The following TMBIM6 variants were observed in gnomAD, a reference collection of about 807,000 sequenced individuals.
TMBIM6 encodes the protein bax inhibitor 1.
A neutral mutation model predicts 31.4 loss-of-function variants in TMBIM6; 13 were observed. The ratio of observed to expected loss-of-function variants is 0.41; its 90% CI spans 0.27 to 0.66. The LOEUF is 0.66. TMBIM6 is among the 30% of genes least tolerant of loss of function. The probability of loss-of-function intolerance (pLI) is 0.28; values close to 1 mark genes in which losing one functional copy is unlikely to be tolerated. For missense variants in TMBIM6, 275 were observed against 289.5 expected, an observed-to-expected ratio of 0.95 and a Z score of 0.36; for synonymous variants, 85 against 101.7, an observed-to-expected ratio of 0.84 and a Z score of 0.99.
intron 3 of TMBIM6, among the ~76,000 whole-genome samples, chr12:49,755,411 C>T (rs919004914): frequency 6.6e-6 from 1 of 152,170 alleles, no homozygotes; most frequent in Non-Finnish European, 1.5e-5. Context: ...CTACGCAAGC[C>T]AGAAGAGCCT....
intron 6 of TMBIM6, 78 bp downstream of exon 6, chr12:49,758,558 A>G (rs1945651815): frequency 6.4e-7 from 1 of 1,553,560 alleles, no homozygotes; most frequent in Admixed American, 1.7e-5. Context: ...CCTTACCCCT[A>G]ACTCCTTTGC....
In TMBIM6 at chr12:49,763,003, A is replaced by T; in HGVS notation, c.*107A>T. 1.6e-6 allele frequency: 2 copies of T among 1,272,846 alleles called. No homozygotes were observed. The highest frequency in any genetic ancestry group is 2.2e-6 in the Non-Finnish European group (2 of 908,778). The allele number at this position is 1,272,846 out of a possible 1,614,324, so 78.8% of individuals were successfully genotyped here. On this transcript the variant is annotated 3_prime_UTR_variant, in exon 10 of 10. Coordinates refer to ENST00000267115, the MANE Select transcript of TMBIM6 (RefSeq NM_003217.3). ...TTCTGTGATAATGAAAAGCATCAGA[A>T]AAGCTTTTGTACTTTGTGGTTTCCT...
At position 49,763,716 on chromosome 12, in the gene TMBIM6, A is replaced by C. The variant is rs77031795; in HGVS notation, c.*820A>C. 6.6e-6 allele frequency: 1 copy of C among 152,278 alleles called. No homozygotes were observed. Among genetic ancestry groups the C allele is most frequent in the Non-Finnish European group, 1.5e-5 (1 of 68,088 alleles). The allele number at this position is 152,278 out of a possible 1,614,324, so 9.4% of individuals were successfully genotyped here. On this transcript the variant is annotated 3_prime_UTR_variant, in exon 10 of 10. Transcript: ENST00000267115. ...GTTATCCCCTTACTGAGCGGCCTCT[A>C]CTAGGTGGCTGTGATTAAATGTCCC...
rs182479619 is a variant in TMBIM6, at chr12:49,764,875, A to G, written c.*1979A>G. On this transcript the variant is annotated 3_prime_UTR_variant, in exon 10 of 10. Transcript: ENST00000267115. Reference sequence around the variant, plus strand: ...GAAGACAAAGGTGTTTTTGATTCAGAAATATATGAAATCTGCATAGTCTTA... The same window carrying G: ...GAAGACAAAGGTGTTTTTGATTCAGGAATATATGAAATCTGCATAGTCTTA... 6.6e-6 allele frequency: 1 copy of G among 152,272 alleles called. No individual in the cohort carries two copies. Among genetic ancestry groups the G allele is most frequent in the East Asian group, 1.9e-4 (1 of 5,184 alleles). The allele number at this position is 152,272 out of a possible 1,614,324, so 9.4% of individuals were successfully genotyped here. A position where few individuals can be genotyped will look rare whatever the true frequency, so the allele number is the denominator to read the frequency against.
chr12:49,762,173 T>C (rs1945732356), intron 9 of TMBIM6: 1 of 185,970 alleles, frequency 5.4e-6, no homozygotes, highest in African/African-American at 2.4e-5. Flanking sequence ...ATAGGGCTAA[T>C]GAGTATCTAA....
chr12:49,758,816 T>G, intron 7 of TMBIM6, 54 bp downstream of exon 7: 1 of 1,408,126 alleles, frequency 7.1e-7, no homozygotes, highest in Non-Finnish European at 9.8e-7. Context: ...CTTCTTTCTT[T>G]CCTTTTTTTT....
rs1232879476 is a variant in TMBIM6 at position 49,758,465 on chromosome 12, T to A, written c.418T>A (p.Tyr140Asn). 8 of 1,614,092 alleles carry A rather than the reference T, an allele frequency of 5.0e-6. No homozygotes were observed. Residue 140 changes from tyrosine (Y) to asparagine (N), a missense_variant, in exon 6 of 10, where the codon TAC (tyrosine) becomes AAC (asparagine). By Grantham distance (143) the Tyr-to-Asn change is moderately radical (BLOSUM62 -2). Coordinates refer to ENST00000267115, the MANE Select transcript of TMBIM6 (RefSeq NM_003217.3). ...TGCACTCTATGCCAGGCGCCGTAGCTACCTCTTTCTGGGAGGTAAGTGTGA... is the reference window on the plus strand; with the variant it reads ...TGCACTCTATGCCAGGCGCCGTAGCAACCTCTTTCTGGGAGGTAAGTGTGA... Reference protein sequence around the residue: ...LSALYARRRSYLFLGGILMSA... With the variant: ...LSALYARRRSNLFLGGILMSA...
chr12:49,758,324 C>T (rs1265571863), intron 5 of TMBIM6, 49 bp downstream of exon 5: 5 of 1,613,144 alleles, frequency 3.1e-6, no homozygotes, highest in Non-Finnish European at 4.2e-6. Context: ...ATGAATATAC[C>T]TTCTAAATGT....
chr12:49,752,203 AAG>A (rs144436074), intron 1 of TMBIM6, among the ~76,000 whole-genome samples: 1 of 152,368 alleles, frequency 6.6e-6, no homozygotes, highest in African/African-American at 2.4e-5. Flanking sequence ...AATCACCTGA[AAG>A]AATAGAAATC....
At chr12:49,755,533 G>A in intron 3 of TMBIM6, 102 bp from the exon 4 acceptor site, 1 of 1,441,616 alleles carries the variant, frequency 6.9e-7, no homozygotes. Flanking sequence ...ATAAGCAAAT[G>A]TTAGGAAGTT....
chr12:49,760,737 C>T (rs374244260), intron 8 of TMBIM6, among the ~76,000 whole-genome samples: 99 of 151,598 alleles, frequency 6.5e-4, no homozygotes, highest in African/African-American at 2.2e-3. Flanking sequence ...GGTTTTGCCA[C>T]GTTGCCCCGT....
At chr12:49,760,111 CAAAA>C (rs796352103) in intron 8 of TMBIM6, among the ~76,000 whole-genome samples, 19 of 83,528 alleles carry the variant, frequency 2.3e-4, no homozygotes, top group African/African-American at 5.5e-4. Context: ...GACTCCTTCT[CAAAA>C]AAAAAAAAAA....
At chr12:49,762,061 T>C (rs983317371) in intron 9 of TMBIM6, 9 of 380,554 alleles carry the variant, frequency 2.4e-5, no homozygotes, top group Non-Finnish European at 4.3e-5. Flanking sequence ...AAAGGCTATA[T>C]AGTTGTGACT....
At chr12:49,750,991 C>G (rs1945483880) in intron 1 of TMBIM6, among the ~76,000 whole-genome samples, 1 of 152,166 alleles carries the variant, frequency 6.6e-6, no homozygotes, top group South Asian at 2.1e-4. Flanking sequence ...CCCTCCTTTT[C>G]TGGTAGATTT....
chr12:49,749,553 C>G (rs1490017608), intron 1 of TMBIM6: 1 of 151,764 alleles, frequency 6.6e-6, no homozygotes, highest in Non-Finnish European at 1.5e-5. Flanking sequence ...CTGCCTCAGC[C>G]TCCCAAGTAG....
At chr12:49,742,108 G>C (rs924768310) in intron 1 of TMBIM6, 4 of 1,603,732 alleles carry the variant, frequency 2.5e-6, no homozygotes, top group Non-Finnish European at 3.4e-6. Flanking sequence ...CCGGAGCCAA[G>C]ACTCGAGGTA....
chr12:49,748,927 C>T (rs1160060362), intron 1 of TMBIM6, among the ~76,000 whole-genome samples: 4 of 151,982 alleles, frequency 2.6e-5, no homozygotes, highest in Non-Finnish European at 5.9e-5. Context: ...CTGTGGGCTC[C>T]TCTGGAATGT....
rs1465671431 is a variant in TMBIM6 at position 49,759,435 on chromosome 12, G to A, written c.614+114G>A. ...GTGGCCAAGCTTTGGGAGTGTATGT[G>A]GTAGGAAACCCACGGTTTTGGAACT... On this transcript the variant is annotated intron_variant, in intron 8 of 9. Transcript: ENST00000267115. 3.8e-6 allele frequency: 3 copies of A among 796,636 alleles called. No individual in the cohort carries two copies. The Admixed American group carries it at 6.2e-5, about 17-fold the overall frequency. The allele number at this position is 796,636 out of a possible 1,614,324, so 49.3% of individuals were successfully genotyped here.
chr12:49,751,280 T>C (rs1237610082), intron 1 of TMBIM6, among the ~76,000 whole-genome samples: 1 of 152,198 alleles, frequency 6.6e-6, no homozygotes, highest in Admixed American at 6.5e-5. Context: ...GCATTAGTAT[T>C]AATATCCTGA....
Sources: gnomAD v4.1 joint callset for allele counts (sites outside exome capture counted in the v4.1 genomes callset) on GRCh38, gnomAD v4.1.1 for gene constraint, MANE v1.5 for transcripts, NCBI Gene and HGNC (gene_info 2026-07-23, HGNC 2026-07-21) for gene names.